CHI3L2: variants seen among roughly 807,000 people sequenced by gnomAD.
CHI3L2 encodes chitinase-3-like protein 2.
Under a neutral mutation model 47.3 loss-of-function variants are expected in CHI3L2, and 47 were observed. The ratio of observed to expected loss-of-function variants is 0.99; its 90% CI spans 0.79 to 1.27. The LOEUF (loss-of-function observed/expected upper bound fraction) is 1.27, where lower values mean the gene tolerates loss of function less well. Among genes scored for constraint, CHI3L2 ranks in the 50% most tolerant of loss-of-function variants. CHI3L2 has a pLI of 0.00. For missense variants in CHI3L2, 497 were observed against 462.1 expected, an observed-to-expected ratio of 1.08 and a Z score of -0.69; for synonymous variants, 198 against 169.9, an observed-to-expected ratio of 1.17 and a Z score of -1.28.
chr1:111,242,216 G>A lies in CHI3L2; in HGVS notation c.1036-11G>A. The A allele has an allele frequency of 1.2e-6, 2 of 1,614,056 alleles. No individual in the cohort carries two copies. The highest frequency in any genetic ancestry group is 8.5e-7 in the Non-Finnish European group (1 of 1,179,938). ...TTCGAATCTCTGTGTATCCTTCTGT[G>A]TCTCCCATAGGTTCAGTTCTTAAAG... On this transcript the variant is annotated splice_polypyrimidine_tract_variant and intron_variant, in intron 9 of 10. Coordinates refer to ENST00000369748, the MANE Select transcript of CHI3L2 (RefSeq NM_004000.3).
chr1:111,243,055 A>G (rs1660109008), intron 10 of CHI3L2, among the ~76,000 whole-genome samples, 162 bp from the exon 11 acceptor site: 1 of 152,208 alleles, frequency 6.6e-6, no homozygotes. Flanking sequence ...CAACTAAAAG[A>G]CTGGCTCTGC....
Position 111,230,917 on chromosome 1 carries a change from C to G in CHI3L2, c.246C>G (p.Tyr82Ter), listed in dbSNP as rs1449311773. The change falls in exon 3 of 11, where the codon TAC (tyrosine) becomes TAG (stop). Residue 82 changes from tyrosine to a stop codon, truncating the protein, a stop_gained. Coordinates refer to ENST00000369748, the MANE Select transcript of CHI3L2 (RefSeq NM_004000.3). LOFTEE classifies it high-confidence loss of function. ...AGGACAAGAGTGAAGTGATGCTCTA[C>G]CAGACCATCAACAGTCTCAAAACCA... ...IIKDKSEVML[Y>*]QTINSLKTKN... The G allele has an allele frequency of 1.2e-6, 2 of 1,613,992 alleles. No individual in the cohort carries two copies. The highest frequency in any genetic ancestry group is 8.5e-7 in the Non-Finnish European group (1 of 1,179,866).
intron 7 of CHI3L2, among the ~76,000 whole-genome samples, chr1:111,237,293 G>C (rs2494005): frequency 0.34 from 51,614 of 152,142 alleles, 10,216 homozygotes; most frequent in East Asian, 0.55. Context: ...CTCCCAAATT[G>C]AGTTGGCTTA....
intron 8 of CHI3L2, among the ~76,000 whole-genome samples, chr1:111,239,515 C>A (rs779527797): frequency 1.1e-4 from 17 of 152,080 alleles, no homozygotes; most frequent in Admixed American, 4.6e-4. Flanking sequence ...ACCTCCTACA[C>A]CTGAGGGACA....
chr1:111,241,423 G>A lies in CHI3L2; in HGVS notation c.1015G>A (p.Val339Met), dbSNP rs939223382. 3.1e-6 allele frequency: 5 copies of A among 1,597,438 alleles called. No individual in the cohort carries two copies. Among genetic ancestry groups the A allele is most frequent in the Non-Finnish European group, 4.3e-6 (5 of 1,164,822 alleles). ...KGNQWVGYDD[V>M]KSMETKVQFL... is the part of the protein sequence containing the mutation. ...GAACCAGTGGGTGGGCTATGATGATGTGAAGAGTATGGAGACCAAGGTAGG... is the reference window on the plus strand; with the variant it reads ...GAACCAGTGGGTGGGCTATGATGATATGAAGAGTATGGAGACCAAGGTAGG... Residue 339 changes from valine (V) to methionine (M), a missense_variant, in exon 9 of 11, where the codon GTG (valine) becomes ATG (methionine). Physicochemically the swap from Val to Met is conservative, Grantham distance 21. Transcript: ENST00000369748.
At chr1:111,233,566 TG>T (rs543583285) in intron 4 of CHI3L2, among the ~76,000 whole-genome samples, 16 of 150,974 alleles carry the variant, frequency 1.1e-4, no homozygotes, top group African/African-American at 3.2e-4. Context: ...AGGAGGGAGG[TG>T]GGGGGGGTCA....
At chr1:111,230,994 G>A (rs761276488) in intron 3 of CHI3L2, 51 bp downstream of exon 3, 1 of 1,468,212 alleles carries the variant, frequency 6.8e-7, no homozygotes, top group South Asian at 1.2e-5. Context: ...GAGGAGGGAA[G>A]CTGGTCTTAA....
At chr1:111,233,499 A>G (rs571421994) in intron 4 of CHI3L2, among the ~76,000 whole-genome samples, 1 of 152,254 alleles carries the variant, frequency 6.6e-6, no homozygotes, top group Admixed American at 6.5e-5. Context: ...AGCCCACCAC[A>G]TTGCAAACTG....
chr1:111,227,845 C>A (rs777186867), intron 1 of CHI3L2, 76 bp downstream of exon 1: 8 of 1,409,538 alleles, frequency 5.7e-6, no homozygotes, highest in Non-Finnish European at 8.0e-6. Flanking sequence ...AAGAAGTAAT[C>A]TTCCTCCTTT....
rs1660054416 is a variant in CHI3L2, at chr1:111,241,424, T to A, written c.1016T>A (p.Val339Glu). 1 of 1,594,636 alleles carries A rather than the reference T, an allele frequency of 6.3e-7. No individual in the cohort carries two copies. The highest frequency in any genetic ancestry group is 1.1e-5 in the South Asian group (1 of 90,680). The change falls in exon 9 of 11, where the codon GTG (valine) becomes GAG (glutamate). Residue 339 changes from valine (V) to glutamate (E), a missense_variant. Val to Glu is a moderately radical substitution (Grantham distance 121). Coordinates refer to ENST00000369748, the MANE Select transcript of CHI3L2 (RefSeq NM_004000.3). ...KGNQWVGYDD[V>E]KSMETKVQFL... ...AACCAGTGGGTGGGCTATGATGATG[T>A]GAAGAGTATGGAGACCAAGGTAGGT...
Position 111,229,743 on chromosome 1 carries a change from G to T in CHI3L2, c.41-109G>T, listed in dbSNP as rs12070867. On this transcript the variant is annotated intron_variant, in intron 1 of 10. Transcript: ENST00000369748. ...GCTGTGGCTGGGGAGCCCAGATGAA[G>T]TGTGGCTCTATCTTGTATGTGAGCA... 18,232 of 1,412,358 alleles carry T rather than the reference G, an allele frequency of 0.013. 1,165 individuals are homozygous for T. The African/African-American group carries it at 0.18, about 14-fold the overall frequency. 87.5% of individuals were successfully genotyped at this position (1,412,358 alleles called of 1,614,324 possible).
intron 7 of CHI3L2, among the ~76,000 whole-genome samples, chr1:111,237,109 G>A (rs1328869817): frequency 1.3e-5 from 2 of 152,198 alleles, no homozygotes; most frequent in Admixed American, 6.5e-5. Flanking sequence ...GCAATTTGGG[G>A]AGGCTTAGAA....
In CHI3L2 at chr1:111,234,938, C is replaced by T. The variant is rs150717614; in HGVS notation, c.361C>T (p.Arg121Cys). 6.6e-5 allele frequency: 106 copies of T among 1,614,146 alleles called. No homozygotes were observed. Among genetic ancestry groups the T allele is most frequent in the East Asian group, 3.1e-4 (14 of 44,888 alleles). The change falls in exon 5 of 11, where the codon CGC becomes TGC. Residue 121 changes from arginine (R) to cysteine (C), a missense_variant. Physicochemically the swap from Arg to Cys is radical, Grantham distance 180. Transcript: ENST00000369748. ...CCCTATGGTGGATTCTTCTACATCA[C>T]GCTTGGAATTCATTAACTCCATAAT... ...FHPMVDSSTS[R>C]LEFINSIILF...
chr1:111,242,258 G>T lies in CHI3L2; in HGVS notation c.1067G>T (p.Gly356Val), dbSNP rs769095393. Residue 356 changes from glycine (G) to valine (V), a missense_variant, in exon 10 of 11, where the codon GGA becomes GTA. By Grantham distance (109) the Gly-to-Val change is moderately radical (BLOSUM62 -3). Coordinates refer to ENST00000369748, the MANE Select transcript of CHI3L2 (RefSeq NM_004000.3). ...TTCTTAAAGAATTTAAACCTGGGAG[G>T]AGCCATGATCTGGTCTATTGACATG... ...VQFLKNLNLG[G>V]AMIWSIDMDD... The T allele has an allele frequency of 4.3e-6, 7 of 1,614,094 alleles. No individual in the cohort carries two copies. The South Asian group carries it at 7.7e-5, about 18-fold the overall frequency.
rs775886776 is a variant in CHI3L2, at chr1:111,230,795, G to A, written c.124G>A (p.Glu42Lys). Residue 42 changes from glutamate to lysine, a missense_variant, in exon 3 of 11, where the codon GAA becomes AAA. Coordinates refer to ENST00000369748, the MANE Select transcript of CHI3L2 (RefSeq NM_004000.3). ...TACCAACTGGTCCCAGGACCGGCAG[G>A]AACCAGGAAAATTCACCCCTGAGAA... ...YFTNWSQDRQ[E>K]PGKFTPENID... 6.2e-7 allele frequency: 1 copy of A among 1,614,066 alleles called. No homozygotes were observed. The highest frequency in any genetic ancestry group is 1.6e-4 in the Middle Eastern group (1 of 6,062).
In CHI3L2 at chr1:111,234,987, T is replaced by C. The variant is rs1036680599; in HGVS notation, c.410T>C (p.Phe137Ser). 6.2e-7 allele frequency: 1 copy of C among 1,614,154 alleles called. No homozygotes were observed. Among genetic ancestry groups the C allele is most frequent in the Non-Finnish European group, 8.5e-7 (1 of 1,180,000 alleles). ...SIILFLRNHN[F>S]DGLDVSWIYP... ...ATCCTGTTTCTGAGGAACCATAACTTTGATGGACTGGATGTAAGCTGGATC... is the reference window on the plus strand; with the variant it reads ...ATCCTGTTTCTGAGGAACCATAACTCTGATGGACTGGATGTAAGCTGGATC... The change falls in exon 5 of 11, where the codon TTT (phenylalanine) becomes TCT (serine). Residue 137 changes from phenylalanine to serine, a missense_variant. Transcript: ENST00000369748.
chr1:111,232,185 C>T (rs1225548911), intron 4 of CHI3L2, among the ~76,000 whole-genome samples: 1 of 152,184 alleles, frequency 6.6e-6, no homozygotes, highest in Non-Finnish European at 1.5e-5. Context: ...AAAGATCAGG[C>T]TACCTAACTT....
Position 111,235,563 on chromosome 1 carries a change from A to C in CHI3L2, c.481-76A>C, listed in dbSNP as rs1659855149. 6.6e-6 allele frequency: 10 copies of C among 1,507,484 alleles called. No individual in the cohort carries two copies. In the South Asian group the frequency reaches 1.2e-4, roughly 18 times the overall value. The allele number at this position is 1,507,484 out of a possible 1,614,324, so 93.4% of individuals were successfully genotyped here. ...CATCTAATGTGGTTCTAGAAACCTC[A>C]TAGATTCCAGGCAAGAAGCTTAGCA... is the stretch of plus-strand genomic sequence containing the variant. On this transcript the variant is annotated intron_variant, in intron 5 of 10. Transcript: ENST00000369748.
At chr1:111,230,621 C>G in intron 2 of CHI3L2, 121 bp from the exon 3 acceptor site, 1 of 798,064 alleles carries the variant, frequency 1.3e-6, no homozygotes, top group East Asian at 2.6e-5. Context: ...CTGAATGACC[C>G]TCAGAGGCTC....
Sources: allele counts gnomAD v4.1 joint callset (sites outside exome capture counted in the v4.1 genomes callset), GRCh38; gene constraint gnomAD v4.1.1; transcripts MANE v1.5; gene names NCBI Gene and HGNC (gene_info 2026-07-23, HGNC 2026-07-21).